ITGBL1: variants seen among roughly 807,000 people sequenced by gnomAD.
The protein encoded by ITGBL1 is integrin subunit beta like 1, also known as integrin beta-like protein 1.
ITGBL1 carries 51 observed loss-of-function variants against 68.5 expected under a neutral mutation model. The ratio of observed to expected loss-of-function variants is 0.74; its 90% CI spans 0.59 to 0.94. The LOEUF is 0.94. Among genes scored for constraint, ITGBL1 ranks in the 40% least tolerant of loss-of-function variants. The probability of loss-of-function intolerance (pLI) is 0.00; values close to 1 mark genes in which losing one functional copy is unlikely to be tolerated. For missense variants in ITGBL1, 649 were observed against 647.4 expected, an observed-to-expected ratio of 1.00 and a Z score of -0.03; for synonymous variants, 209 against 227.3, an observed-to-expected ratio of 0.92 and a Z score of 0.72.
rs1409952613 is a variant in ITGBL1, at chr13:101,716,178, T to C, written c.*524T>C. The C allele has an allele frequency of 2.0e-5, 3 of 152,236 alleles. No individual in the cohort carries two copies. The highest frequency in any genetic ancestry group is 4.4e-5 in the Non-Finnish European group (3 of 68,086). 9.4% of individuals were successfully genotyped at this position (152,236 alleles called of 1,614,324 possible). A position where few individuals can be genotyped will look rare whatever the true frequency, so the allele number is the denominator to read the frequency against. ...CTAAGGAAAACATGCATATTCACAT[T>C]AATTAATCGATCAGATTTTTCCAGA... On this transcript the variant is annotated 3_prime_UTR_variant, in exon 11 of 11. Transcript: ENST00000376180.
chr13:101,615,247 G>C (rs1008526628), intron 7 of ITGBL1, among the ~76,000 whole-genome samples: 4 of 151,790 alleles, frequency 2.6e-5, no homozygotes, highest in Admixed American at 2.6e-4. Context: ...AATAGTCTTC[G>C]GACTTAGGGC....
Position 101,692,632 on chromosome 13 carries a change from C to G in ITGBL1, c.1063C>G (p.Arg355Gly). The change falls in exon 8 of 11, where the codon CGG becomes GGG. Residue 355 changes from arginine (R) to glycine (G), a missense_variant. Transcript: ENST00000376180. ...CACCTGCTATCCTCCAGGAGATCGCCGGGTGTATGGCAAGACTTGTGAGTG... is the reference window on the plus strand; with the variant it reads ...CACCTGCTATCCTCCAGGAGATCGCGGGGTGTATGGCAAGACTTGTGAGTG... ...KCTCYPPGDR[R>G]VYGKTCECDD... 6.2e-7 allele frequency: 1 copy of G among 1,613,786 alleles called. No individual in the cohort carries two copies. The highest frequency in any genetic ancestry group is 8.5e-7 in the Non-Finnish European group (1 of 1,179,804).
At chr13:101,577,919 A>T (rs1252167458) in intron 4 of ITGBL1, among the ~76,000 whole-genome samples, 8 of 152,196 alleles carry the variant, frequency 5.3e-5, no homozygotes, top group African/African-American at 1.7e-4. Context: ...TTTAAAATTC[A>T]AATTCATTGT....
chr13:101,696,234 G>C (rs1479037511), intron 8 of ITGBL1, among the ~76,000 whole-genome samples: 1 of 152,164 alleles, frequency 6.6e-6, no homozygotes, highest in African/African-American at 2.4e-5. Flanking sequence ...GCCTTCAAAG[G>C]AGATTGGTGG....
chr13:101,540,621 T>C (rs1179582066), intron 2 of ITGBL1, among the ~76,000 whole-genome samples: 1 of 152,204 alleles, frequency 6.6e-6, no homozygotes, highest in African/African-American at 2.4e-5. Flanking sequence ...GGGATGGCAA[T>C]TGAACCTATA....
chr13:101,528,596 A>G (rs2139153482), intron 2 of ITGBL1, among the ~76,000 whole-genome samples: 1 of 152,078 alleles, frequency 6.6e-6, no homozygotes, highest in African/African-American at 2.4e-5. Flanking sequence ...TATTTTGCTT[A>G]AAATATTTTT....
At chr13:101,539,635 C>A (rs553257968) in intron 2 of ITGBL1, among the ~76,000 whole-genome samples, 6 of 151,480 alleles carry the variant, frequency 4.0e-5, no homozygotes, top group African/African-American at 1.5e-4. Context: ...ACACTGACTT[C>A]CACAATGGTT....
At chr13:101,576,708 T>G (rs554668012) in intron 4 of ITGBL1, among the ~76,000 whole-genome samples, 1 of 152,246 alleles carries the variant, frequency 6.6e-6, no homozygotes, top group East Asian at 1.9e-4. Context: ...GTCATCCAAA[T>G]ACACTTATTT....
chr13:101,638,991 A>C (rs1047425638), intron 7 of ITGBL1, among the ~76,000 whole-genome samples: 1 of 152,202 alleles, frequency 6.6e-6, no homozygotes, highest in Non-Finnish European at 1.5e-5. Context: ...ACAACTAACA[A>C]ACTAAGAAAA....
chr13:101,466,735 G>A (rs1566687019), intron 2 of ITGBL1, among the ~76,000 whole-genome samples: 1 of 152,120 alleles, frequency 6.6e-6, no homozygotes, highest in Non-Finnish European at 1.5e-5. Context: ...ACAAAAAATA[G>A]GTATTTAGCA....
intron 7 of ITGBL1, among the ~76,000 whole-genome samples, chr13:101,625,433 G>T (rs1190115359): frequency 6.6e-6 from 1 of 152,144 alleles, no homozygotes; most frequent in East Asian, 1.9e-4. Context: ...GAATTCAAGG[G>T]ATGATATTGC....
intron 9 of ITGBL1, among the ~76,000 whole-genome samples, chr13:101,707,975 A>G (rs1198610152): frequency 6.6e-6 from 1 of 151,952 alleles, no homozygotes; most frequent in Non-Finnish European, 1.5e-5. Context: ...CCATGGAAAC[A>G]TATTAAAGGA....
intron 7 of ITGBL1, among the ~76,000 whole-genome samples, chr13:101,656,093 G>A (rs1002135359): frequency 9.2e-5 from 14 of 152,110 alleles, no homozygotes; most frequent in Admixed American, 3.9e-4. Flanking sequence ...AAATTTAAAC[G>A]TTTTCTGATT....
chr13:101,647,622 C>A (rs570446267), intron 7 of ITGBL1, among the ~76,000 whole-genome samples: 1 of 152,278 alleles, frequency 6.6e-6, no homozygotes. Context: ...GAATTTTACC[C>A]TGTGCAGGGA....
chr13:101,591,942 C>G (rs566098645), intron 6 of ITGBL1, among the ~76,000 whole-genome samples: 8 of 152,220 alleles, frequency 5.3e-5, no homozygotes, highest in Non-Finnish European at 1.0e-4. Context: ...AATACAAAAA[C>G]CAGTAGCTCC....
intron 7 of ITGBL1, among the ~76,000 whole-genome samples, chr13:101,599,940 G>A (rs1035821847): frequency 5.3e-5 from 8 of 152,116 alleles, no homozygotes; most frequent in Non-Finnish European, 2.9e-5. Flanking sequence ...GGTTCCATAT[G>A]AACTTTAAAG....
intron 2 of ITGBL1, among the ~76,000 whole-genome samples, chr13:101,483,682 A>G (rs2048659312): frequency 6.6e-6 from 1 of 152,182 alleles, no homozygotes; most frequent in African/African-American, 2.4e-5. Context: ...AATAACATTT[A>G]TTTGAATATG....
At chr13:101,588,297 T>TTGTGTGTTTG (rs1594908370) in intron 6 of ITGBL1, among the ~76,000 whole-genome samples, 1 of 149,672 alleles carries the variant, frequency 6.7e-6, no homozygotes, top group Admixed American at 6.7e-5. Flanking sequence ...TATTCTTCCA[T>TTGTGTGTTTG]TGTGTGTGTG....
intron 7 of ITGBL1, among the ~76,000 whole-genome samples, chr13:101,671,455 T>TTTTTG (rs1566784581): frequency 7.2e-6 from 1 of 138,840 alleles, no homozygotes; most frequent in African/African-American, 2.6e-5. Context: ...TTGTTTTTTT[T>TTTTTG]TGAGACGGAG....
Sources: gnomAD v4.1 joint callset for allele counts (sites outside exome capture counted in the v4.1 genomes callset) on GRCh38, gnomAD v4.1.1 for gene constraint, MANE v1.5 for transcripts, NCBI Gene and HGNC (gene_info 2026-07-23, HGNC 2026-07-21) for gene names.